Variants in GPR158 observed in about 807,000 individuals in gnomAD.
GPR158 encodes G protein-coupled receptor 158, also known as metabotropic glycine receptor.
A neutral mutation model predicts 78.2 loss-of-function variants in GPR158; 30 were observed. The observed-to-expected ratio is 0.38, with a 90% CI of 0.29 to 0.52. The LOEUF (loss-of-function observed/expected upper bound fraction) is 0.52. Among genes scored for constraint, GPR158 ranks in the 20% least tolerant of loss-of-function variants. The pLI is 0.83. For synonymous variants in GPR158, 581 were observed against 591.1 expected (o/e 0.98, Z 0.25); for missense variants, 1,463 against 1,523.5 (o/e 0.96, Z 0.66).
At chr10:25,253,085 G>T (rs370957317) in intron 2 of GPR158, among the ~76,000 whole-genome samples, 1 of 152,064 alleles carries the variant, frequency 6.6e-6, no homozygotes, top group Non-Finnish European at 1.5e-5. Flanking sequence ...TTCCAGGTGC[G>T]TCCGTCACCC....
At chr10:25,422,533 G>C (rs1353848026) in intron 4 of GPR158, among the ~76,000 whole-genome samples, 1 of 151,272 alleles carries the variant, frequency 6.6e-6, no homozygotes, top group East Asian at 1.9e-4. Flanking sequence ...TGCCAAAATG[G>C]TTGGAAACTG....
At chr10:25,210,326 A>G (rs954352331) in intron 1 of GPR158, among the ~76,000 whole-genome samples, 1 of 152,238 alleles carries the variant, frequency 6.6e-6, no homozygotes, top group Non-Finnish European at 1.5e-5. Flanking sequence ...CTACTGCTGA[A>G]TACTGTGTGT....
intron 1 of GPR158, among the ~76,000 whole-genome samples, chr10:25,217,316 G>C (rs1443601989): frequency 6.6e-6 from 1 of 152,140 alleles, no homozygotes; most frequent in East Asian, 1.9e-4. Context: ...GGTCACTTCT[G>C]TGTATAGCGA....
Position 25,479,120 on chromosome 10 carries a change from C to T in GPR158, c.1404+12401C>T, listed in dbSNP as rs1475099520. On this transcript the variant is annotated intron_variant, in intron 5 of 10. Transcript: ENST00000376351. ...GCAATAAACATACATGTGCATGTGT[C>T]TTTATAGCAGCATGATTTATAATCG... is the stretch of plus-strand genomic sequence containing the variant. 8.6e-4 allele frequency among the ~76,000 whole-genome samples: 130 copies of T among 152,014 alleles called. 1 individual carries two copies. Among genetic ancestry groups the T allele is most frequent in the Non-Finnish European group, 1.3e-4 (9 of 67,996 alleles).
intron 1 of GPR158, among the ~76,000 whole-genome samples, chr10:25,182,245 G>A (rs1852620355): frequency 6.6e-6 from 1 of 152,130 alleles, no homozygotes; most frequent in South Asian, 2.1e-4. Context: ...CATAATCTGA[G>A]TTTACAGGAC....
chr10:25,422,115 G>A (rs574781047), intron 4 of GPR158, among the ~76,000 whole-genome samples: 1 of 152,318 alleles, frequency 6.6e-6, no homozygotes, highest in African/African-American at 2.4e-5. Flanking sequence ...ACCACCGACT[G>A]TTGCTTCTAT....
intron 4 of GPR158, among the ~76,000 whole-genome samples, chr10:25,445,690 G>A (rs1367604845): frequency 6.6e-6 from 1 of 152,014 alleles, no homozygotes; most frequent in Non-Finnish European, 1.5e-5. Flanking sequence ...AATTTCCAAA[G>A]ACCATAGGAA....
At chr10:25,520,835 C>A (rs530040296) in intron 5 of GPR158, among the ~76,000 whole-genome samples, 1 of 152,316 alleles carries the variant, frequency 6.6e-6, no homozygotes, top group East Asian at 1.9e-4. Context: ...TGTGCCCTGC[C>A]CCCAGAGGTG....
In GPR158 at chr10:25,241,419, T is replaced by TCTCTTCTCTTCTCTTCTCTTCTCTTC. The variant is rs1564399858; in HGVS notation, c.1008+20262_1008+20263insCTCTTCTCTTCTCTTCTCTTCTCTTC. Among the ~76,000 whole-genome samples, 117 of 88,420 alleles carry TCTCTTCTCTTCTCTTCTCTTCTCTTC rather than the reference T, an allele frequency of 1.3e-3. 17 individuals are homozygous for TCTCTTCTCTTCTCTTCTCTTCTCTTC. The highest frequency in any genetic ancestry group is 6.2e-3 in the African/African-American group (114 of 18,402). The allele number at this position is 88,420 out of a possible 152,430, so 58.0% of individuals were successfully genotyped here. On this transcript the variant is annotated intron_variant, in intron 2 of 10. Transcript: ENST00000376351. ...CTCTTCTCTTCTCTTCTCTTTTCTTTTCTTTTCTTTTCTTTTCTTTCGACA... is the reference window on the plus strand; with the variant it reads ...CTCTTCTCTTCTCTTCTCTTTTCTTTCTCTTCTCTTCTCTTCTCTTCTCTTCTCTTTTCTTTTCTTTTCTTTCGACA...
At chr10:25,549,273 C>A (rs907830282) in intron 5 of GPR158, among the ~76,000 whole-genome samples, 3 of 152,052 alleles carry the variant, frequency 2.0e-5, no homozygotes, top group Non-Finnish European at 2.9e-5. Flanking sequence ...TTGTCTTCCC[C>A]CTCCTAAGTT....
At chr10:25,527,003 C>T (rs540501868) in intron 5 of GPR158, among the ~76,000 whole-genome samples, 12 of 151,980 alleles carry the variant, frequency 7.9e-5, no homozygotes, top group African/African-American at 2.9e-4. Flanking sequence ...TAATATCAGA[C>T]AAAATAGACT....
At chr10:25,241,278 TTC>T (rs1491236659) in intron 2 of GPR158, among the ~76,000 whole-genome samples, 2 of 43,218 alleles carry the variant, frequency 4.6e-5, no homozygotes, top group Admixed American at 2.3e-4. Flanking sequence ...TTTCCTTTCT[TTC>T]TTTCTTTTCT....
intron 3 of GPR158, among the ~76,000 whole-genome samples, chr10:25,409,145 G>A (rs943347598): frequency 2.0e-5 from 3 of 152,146 alleles, no homozygotes; most frequent in Non-Finnish European, 4.4e-5. Flanking sequence ...TTCCTCTTTC[G>A]CCTTTTTACC....
At chr10:25,368,092 C>G (rs919873972) in intron 2 of GPR158, among the ~76,000 whole-genome samples, 1 of 151,830 alleles carries the variant, frequency 6.6e-6, no homozygotes, top group African/African-American at 2.4e-5. Context: ...TTTTAGAATT[C>G]CCTAGAGGAA....
At chr10:25,343,375 G>A (rs1855330853) in intron 2 of GPR158, among the ~76,000 whole-genome samples, 1 of 151,968 alleles carries the variant, frequency 6.6e-6, no homozygotes, top group Non-Finnish European at 1.5e-5. Context: ...AAAGATCTGT[G>A]TCACTATATC....
At chr10:25,490,830 A>G (rs1588885508) in intron 5 of GPR158, among the ~76,000 whole-genome samples, 1 of 151,914 alleles carries the variant, frequency 6.6e-6, no homozygotes, top group Non-Finnish European at 1.5e-5. Flanking sequence ...GCTGGGTCAA[A>G]TGGTATTTCC....
chr10:25,199,515 C>A (rs965742617), intron 1 of GPR158, among the ~76,000 whole-genome samples: 2 of 152,258 alleles, frequency 1.3e-5, no homozygotes, highest in Middle Eastern at 3.4e-3. Context: ...TGGTTGGGCT[C>A]TGTTTTTGCA....
At chr10:25,576,655 C>G (rs377507868) in intron 7 of GPR158, among the ~76,000 whole-genome samples, 1 of 152,014 alleles carries the variant, frequency 6.6e-6, no homozygotes, top group African/African-American at 2.4e-5. Flanking sequence ...AGGCAATAAC[C>G]AGGTCTCAGT....
At chr10:25,558,283 G>T (rs979431139) in intron 6 of GPR158, among the ~76,000 whole-genome samples, 3 of 152,188 alleles carry the variant, frequency 2.0e-5, no homozygotes, top group African/African-American at 7.2e-5. Context: ...TGGTAATGCA[G>T]AATTAGTACT....
Sources: gnomAD v4.1 joint callset for allele counts (sites outside exome capture counted in the v4.1 genomes callset) on GRCh38, gnomAD v4.1.1 for gene constraint, MANE v1.5 for transcripts, NCBI Gene and HGNC (gene_info 2026-07-23, HGNC 2026-07-21) for gene names.